Variants in KALRN observed in about 807,000 individuals in gnomAD.
KALRN encodes the protein kalirin.
KALRN carries 70 observed loss-of-function variants against 353.7 expected under a neutral mutation model. The observed-to-expected ratio is 0.20, with a 90% CI of 0.16 to 0.24. The LOEUF (loss-of-function observed/expected upper bound fraction) is 0.24. Among genes scored for constraint, KALRN ranks in the 10% least tolerant of loss-of-function variants. The probability of loss-of-function intolerance (pLI) is 1.00; values close to 1 mark genes in which losing one functional copy is unlikely to be tolerated. For missense variants in KALRN, 2,791 were observed against 3,756.7 expected, an observed-to-expected ratio of 0.74 and a Z score of 6.72; for synonymous variants, 1,391 against 1,434.8, an observed-to-expected ratio of 0.97 and a Z score of 0.69.
chr3:124,664,031 C>A (rs1456344202), intron 45 of KALRN, among the ~76,000 whole-genome samples: 3 of 152,138 alleles, frequency 2.0e-5, no homozygotes, highest in African/African-American at 7.2e-5. Flanking sequence ...CCAAAGCAGG[C>A]TGGAGACATT....
intron 1 of KALRN, chr3:124,164,017 C>A (rs2070419085): frequency 1.0e-6 from 1 of 975,900 alleles, no homozygotes; most frequent in African/African-American, 1.8e-5. Flanking sequence ...GGATTTACTG[C>A]AGAACTCACA....
At chr3:124,338,078 G>T (rs57907900) in intron 9 of KALRN, among the ~76,000 whole-genome samples, 2 of 151,402 alleles carry the variant, frequency 1.3e-5, no homozygotes, top group African/African-American at 4.9e-5. Context: ...TAATCTTTTC[G>T]AAAATCAGCT....
At chr3:124,286,408 C>T (rs754854061) in intron 5 of KALRN, among the ~76,000 whole-genome samples, 7 of 151,884 alleles carry the variant, frequency 4.6e-5, no homozygotes, top group Non-Finnish European at 8.8e-5. Flanking sequence ...CCTGCCACCA[C>T]GCCTGGCTAT....
At chr3:124,584,713 AG>A in intron 34 of KALRN, 2 of 1,480,506 alleles carry the variant, frequency 1.4e-6, no homozygotes, top group South Asian at 2.8e-5. Context: ...CACAGCGGGG[AG>A]GGCGGGAGCC....
chr3:124,413,134 C>G (rs2092293958), intron 13 of KALRN, among the ~76,000 whole-genome samples: 1 of 149,816 alleles, frequency 6.7e-6, no homozygotes, highest in African/African-American at 2.5e-5. Context: ...GAATATGGAC[C>G]TGGAGATCTC....
intron 2 of KALRN, among the ~76,000 whole-genome samples, chr3:124,229,766 T>G (rs370494741): frequency 3.3e-5 from 5 of 152,244 alleles, no homozygotes; most frequent in African/African-American, 9.6e-5. Flanking sequence ...TTGTAATGAC[T>G]AAATGCATTC....
Position 124,649,632 on chromosome 3 carries a change from A to ACAAACAAT in KALRN, c.5665-1172_5665-1171insCAATCAAA, listed in dbSNP as rs1392413073. Among the ~76,000 whole-genome samples, 3 of 150,796 alleles carry ACAAACAAT rather than the reference A, an allele frequency of 2.0e-5. No individual in the cohort carries two copies. The South Asian group carries it at 6.3e-4, about 32-fold the overall frequency. On this transcript the variant is annotated intron_variant, in intron 37 of 59. Coordinates refer to ENST00000682506, the MANE Select transcript of KALRN (RefSeq NM_001388419.1). ...CTTAAACAAACAAACAAACAAACAAACAAAAAAGATTAGCTGGATATGGTG... is the reference window on the plus strand; with the variant it reads ...CTTAAACAAACAAACAAACAAACAAACAAACAATCAAAAAAGATTAGCTGGATATGGTG...
intron 1 of KALRN, among the ~76,000 whole-genome samples, chr3:124,216,938 C>T (rs1317053187): frequency 6.6e-6 from 1 of 152,188 alleles, no homozygotes; most frequent in African/African-American, 2.4e-5. Context: ...TTCTCCTAGA[C>T]CCACCAGAGA....
intron 51 of KALRN, among the ~76,000 whole-genome samples, chr3:124,682,131 T>C (rs990761108): frequency 6.6e-6 from 1 of 152,200 alleles, no homozygotes; most frequent in Non-Finnish European, 1.5e-5. Flanking sequence ...TATTGCAATG[T>C]ACACTGCAGA....
intron 21 of KALRN, among the ~76,000 whole-genome samples, chr3:124,450,645 C>T (rs1234557635): frequency 6.6e-6 from 1 of 151,772 alleles, no homozygotes; most frequent in Non-Finnish European, 1.5e-5. Flanking sequence ...TCACTGCAAC[C>T]TTCACCTCCT....
chr3:124,035,547 C>T (rs1172681355), intron 1 of KALRN, among the ~76,000 whole-genome samples: 1 of 152,216 alleles, frequency 6.6e-6, no homozygotes, highest in Non-Finnish European at 1.5e-5. Context: ...GCCCACTCCT[C>T]TTTCCCCTTT....
At chr3:124,296,212 C>T (rs78085154) in intron 5 of KALRN, among the ~76,000 whole-genome samples, 4,215 of 152,250 alleles carry the variant, frequency 0.028, 102 homozygotes, top group East Asian at 0.085. Context: ...TACTGGATAC[C>T]TCCCCTTGAA....
At chr3:124,213,711 C>A (rs942375420) in intron 1 of KALRN, among the ~76,000 whole-genome samples, 1 of 152,036 alleles carries the variant, frequency 6.6e-6, no homozygotes, top group Non-Finnish European at 1.5e-5. Context: ...AAGGGATAAA[C>A]CCTATTTGCA....
chr3:124,234,276 T>C (rs559581622), intron 2 of KALRN, among the ~76,000 whole-genome samples: 35 of 152,308 alleles, frequency 2.3e-4, no homozygotes, highest in Non-Finnish European at 4.4e-4. Context: ...TTTTTGGCTG[T>C]GTAAAAAATA....
chr3:124,039,722 A>G (rs1484330119), intron 1 of KALRN, among the ~76,000 whole-genome samples: 1 of 152,214 alleles, frequency 6.6e-6, no homozygotes. Context: ...CAGGTACCTA[A>G]AAAGGGAGGA....
chr3:124,432,254 C>T (rs1187663426), intron 16 of KALRN, among the ~76,000 whole-genome samples: 2 of 147,016 alleles, frequency 1.4e-5, no homozygotes, highest in African/African-American at 5.0e-5. Flanking sequence ...ACTGAAAATA[C>T]AAAAAAAAAA....
chr3:124,377,464 A>C (rs2086744480), intron 10 of KALRN, among the ~76,000 whole-genome samples: 1 of 152,042 alleles, frequency 6.6e-6, no homozygotes, highest in Non-Finnish European at 1.5e-5. Context: ...TCTATGGCTG[A>C]GAATATGGTT....
intron 21 of KALRN, among the ~76,000 whole-genome samples, chr3:124,454,912 G>A (rs2059157713): frequency 6.6e-6 from 1 of 152,094 alleles, no homozygotes; most frequent in African/African-American, 2.4e-5. Flanking sequence ...ATCCATGGGG[G>A]GCCCTGGAAC....
chr3:124,251,462 T>C (rs931246123), intron 3 of KALRN, among the ~76,000 whole-genome samples: 1 of 151,800 alleles, frequency 6.6e-6, no homozygotes, highest in Non-Finnish European at 1.5e-5. Context: ...CTCCACCTTC[T>C]GGGCTCAAGC....
Sources: allele counts gnomAD v4.1 joint callset (sites outside exome capture counted in the v4.1 genomes callset), GRCh38; gene constraint gnomAD v4.1.1; transcripts MANE v1.5; gene names NCBI Gene and HGNC (gene_info 2026-07-23, HGNC 2026-07-21).